The following ASMTL variants were observed in gnomAD, a reference collection of about 807,000 sequenced individuals.
ASMTL encodes probable bifunctional dTTP/UTP pyrophosphatase/methyltransferase protein.
ASMTL carries 57 observed loss-of-function variants against 60.3 expected under a neutral mutation model. That is an observed-to-expected ratio of 0.95 (90% CI 0.76 to 1.18). ASMTL has a LOEUF of 1.18. Ranked by LOEUF, ASMTL falls within the 50% of genes most tolerant of loss-of-function variation. ASMTL has a pLI of 0.00. For synonymous variants in ASMTL, 419 were observed against 373.0 expected (o/e 1.12, Z -1.42); for missense variants, 981 against 852.6 (o/e 1.15, Z -1.88).
intron 12 of ASMTL, among the ~76,000 whole-genome samples, chrX:1,406,600 A>G (rs1208312326): frequency 6.8e-6 from 1 of 147,530 alleles, no homozygotes; most frequent in Non-Finnish European, 1.5e-5. Context: ...GTATGGGTGA[A>G]TAGATAGGTA....
chrX:1,405,384 G>A lies in ASMTL; in HGVS notation c.1646-1895C>T, dbSNP rs866207276. Among the ~76,000 whole-genome samples the A allele has an allele frequency of 3.9e-3, 507 of 130,786 alleles. 3 individuals carry two copies. Among genetic ancestry groups the A allele is most frequent in the African/African-American group, 0.014 (476 of 33,106 alleles). 85.8% of individuals were successfully genotyped at this position (130,786 alleles called of 152,430 possible). ...ATGAGATGGATGGATGGGTGAATAG[G>A]TAGGTAGGTAGATAGATGGATGTAT... On this transcript the variant is annotated intron_variant, in intron 12 of 12. Coordinates refer to ENST00000381317, the MANE Select transcript of ASMTL (RefSeq NM_004192.4).
At chrX:1,412,354 A>C (rs2090062221) in intron 12 of ASMTL, among the ~76,000 whole-genome samples, 1 of 151,930 alleles carries the variant, frequency 6.6e-6, no homozygotes, top group Non-Finnish European at 1.5e-5. Context: ...CAGCCTCTGA[A>C]GTACCTGGGA....
intron 5 of ASMTL, among the ~76,000 whole-genome samples, chrX:1,434,126 G>A (rs1183199277): frequency 6.6e-6 from 1 of 152,120 alleles, no homozygotes; most frequent in Non-Finnish European, 1.5e-5. Flanking sequence ...CCGCCAACAA[G>A]CTGGGAATGG....
chrX:1,413,093 T>C (rs1251800443), intron 11 of ASMTL: 2 of 557,320 alleles, frequency 3.6e-6, no homozygotes, highest in Non-Finnish European at 6.5e-6. Context: ...CTGGGGACAG[T>C]GGCTCACACC....
intron 11 of ASMTL, among the ~76,000 whole-genome samples, chrX:1,416,936 G>T (rs1326739397): frequency 1.3e-5 from 2 of 148,878 alleles, no homozygotes; most frequent in Non-Finnish European, 3.0e-5. Flanking sequence ...ACACACACAC[G>T]GACTCAGACA....
chrX:1,436,066 C>T (rs1427028995), intron 3 of ASMTL, among the ~76,000 whole-genome samples: 11 of 152,156 alleles, frequency 7.2e-5, no homozygotes, highest in Non-Finnish European at 1.3e-4. Flanking sequence ...CTGTTGCGGA[C>T]GTGGTGTAGT....
At chrX:1,435,847 G>A in intron 3 of ASMTL, 89 bp from the exon 4 acceptor site, 1 of 1,153,540 alleles carries the variant, frequency 8.7e-7, no homozygotes, top group South Asian at 1.2e-5. Flanking sequence ...GAAGTCACTT[G>A]TTTTATGGAA....
intron 1 of ASMTL, 114 bp downstream of exon 1, chrX:1,452,634 A>G: frequency 2.4e-6 from 2 of 829,536 alleles, no homozygotes; most frequent in Non-Finnish European, 3.7e-6. Context: ...CCCCATCCCT[A>G]AGGGTCTCGG....
intron 12 of ASMTL, 87 bp from the exon 13 acceptor site, chrX:1,403,576 G>T: frequency 8.0e-7 from 1 of 1,257,206 alleles, no homozygotes; most frequent in Non-Finnish European, 1.1e-6. Context: ...GGCAACAGGA[G>T]CTCAGAACGG....
intron 7 of ASMTL, among the ~76,000 whole-genome samples, chrX:1,427,400 GAA>G (rs1196441962): frequency 6.6e-6 from 1 of 152,034 alleles, no homozygotes. Flanking sequence ...ATCTCAAGAG[GAA>G]ATCATCACGA....
At chrX:1,442,437 T>C in intron 1 of ASMTL, 120 bp from the exon 2 acceptor site, 1 of 1,146,670 alleles carries the variant, frequency 8.7e-7, no homozygotes, top group Non-Finnish European at 1.3e-6. Flanking sequence ...CTGTCCCAGG[T>C]GAGCTCATCC....
chrX:1,431,213 ATTATATATAATTATAAATTATAT>A lies in ASMTL; in HGVS notation c.509+1033_509+1055del, dbSNP rs1199774086. ...TATAATTATATATCATTTATAATTAATTATATATAATTATAAATTATATTTATATATAATTATAAATATATGTA... is the reference window on the plus strand; with the variant it reads ...TATAATTATATATCATTTATAATTAATTATATATAATTATAAATATATGTA... On this transcript the variant is annotated intron_variant, in intron 6 of 12. Coordinates refer to ENST00000381317, the MANE Select transcript of ASMTL (RefSeq NM_004192.4). Among the ~76,000 whole-genome samples, 118 of 123,592 alleles carry A rather than the reference ATTATATATAATTATAAATTATAT, an allele frequency of 9.5e-4. 1 individual carries two copies. Among genetic ancestry groups the A allele is most frequent in the African/African-American group, 3.4e-3 (106 of 31,574 alleles). 81.1% of individuals were successfully genotyped at this position (123,592 alleles called of 152,430 possible).
At position 1,439,080 on chromosome X, in the gene ASMTL, AC is replaced by A; in HGVS notation, c.273+16del. 6.2e-7 allele frequency: 1 copy of A among 1,613,654 alleles called. No individual in the cohort carries two copies. The highest frequency in any genetic ancestry group is 1.1e-5 in the South Asian group (1 of 91,066). Reference sequence around the variant, plus strand: ...CCACATCGGACATTAGAAACGAGGCACCCTGGCCGCACTCACCACGATCGTG... The same window carrying A: ...CCACATCGGACATTAGAAACGAGGCACCTGGCCGCACTCACCACGATCGTG... On this transcript the variant is annotated intron_variant, in intron 3 of 12. Coordinates refer to ENST00000381317, the MANE Select transcript of ASMTL (RefSeq NM_004192.4).
chrX:1,432,000 C>T, intron 6 of ASMTL: 2 of 542,752 alleles, frequency 3.7e-6, no homozygotes, highest in South Asian at 4.4e-5. Flanking sequence ...CTCCTCTACC[C>T]CTGCCCAGCG....
chrX:1,442,363 T>G (rs376297468), intron 1 of ASMTL, 46 bp from the exon 2 acceptor site: 17 of 1,609,120 alleles, frequency 1.1e-5, no homozygotes, highest in Non-Finnish European at 1.4e-5. Flanking sequence ...AAAGACCCTA[T>G]GAAAAGTGAA....
At chrX:1,417,939 A>G in intron 11 of ASMTL, 34 bp downstream of exon 11, 1 of 1,574,526 alleles carries the variant, frequency 6.4e-7, no homozygotes, top group Non-Finnish European at 8.7e-7. Context: ...GCAGTCTGGA[A>G]AAGGTTAGCA....
chrX:1,403,679 G>C, intron 12 of ASMTL, 190 bp from the exon 13 acceptor site: 1 of 606,278 alleles, frequency 1.6e-6, no homozygotes, highest in Non-Finnish European at 2.9e-6. Context: ...GGACAGACAG[G>C]GAGAAGGAGA....
chrX:1,435,794 C>T (rs1454295825), intron 3 of ASMTL, 36 bp from the exon 4 acceptor site: 8 of 1,592,268 alleles, frequency 5.0e-6, no homozygotes, highest in Non-Finnish European at 6.9e-6. Context: ...TTGGTTCCCA[C>T]CGGCTGGGTC....
At position 1,418,119 on chromosome X, in the gene ASMTL, G is replaced by A; in HGVS notation, c.1379-3C>T. ...TCGGGCCAGTGCACCCGTGCAGCCT[G>A]CGGGGAAGCAAATGCATGCTCTGTG... is the stretch of plus-strand genomic sequence containing the variant. On this transcript the variant is annotated splice_polypyrimidine_tract_variant and splice_region_variant and intron_variant, in intron 10 of 12. Transcript: ENST00000381317. 6.3e-7 allele frequency: 1 copy of A among 1,595,914 alleles called. No homozygotes were observed.
Sources: gnomAD v4.1 joint callset for allele counts (sites outside exome capture counted in the v4.1 genomes callset) on GRCh38, gnomAD v4.1.1 for gene constraint, MANE v1.5 for transcripts, NCBI Gene and HGNC (gene_info 2026-07-23, HGNC 2026-07-21) for gene names.